RPA1: variants seen among roughly 807,000 people sequenced by gnomAD.
The protein encoded by RPA1 is replication protein A 70 kDa DNA-binding subunit.
Under a neutral mutation model 83.0 loss-of-function variants are expected in RPA1, and 49 were observed. The observed-to-expected ratio is 0.59, with a 90% CI of 0.47 to 0.75. The LOEUF (loss-of-function observed/expected upper bound fraction) is 0.75. RPA1 is among the 30% of genes least tolerant of loss of function. RPA1 has a pLI of 0.00. For missense variants in RPA1, 693 were observed against 776.1 expected, an observed-to-expected ratio of 0.89 and a Z score of 1.27; for synonymous variants, 279 against 281.8, an observed-to-expected ratio of 0.99 and a Z score of 0.10.
At chr17:1,851,504 T>C (rs1173489048) in intron 4 of RPA1, among the ~76,000 whole-genome samples, 2 of 152,236 alleles carry the variant, frequency 1.3e-5, no homozygotes, top group East Asian at 3.8e-4. Flanking sequence ...TCACTTAATG[T>C]GTCCTTGTCA....
chr17:1,831,575 T>C (rs976683779), intron 1 of RPA1, among the ~76,000 whole-genome samples: 6 of 151,466 alleles, frequency 4.0e-5, no homozygotes, highest in Admixed American at 3.9e-4. Flanking sequence ...TCCATACTCC[T>C]ACCTTCTTCC....
At chr17:1,843,394 C>T (rs1483888246) in intron 2 of RPA1, among the ~76,000 whole-genome samples, 2 of 151,732 alleles carry the variant, frequency 1.3e-5, no homozygotes, top group Admixed American at 6.6e-5. Context: ...GTACAGGTGT[C>T]ACTTGCTTTG....
chr17:1,859,273 A>T (rs1428819158), intron 5 of RPA1, among the ~76,000 whole-genome samples: 2 of 152,260 alleles, frequency 1.3e-5, no homozygotes, highest in South Asian at 2.1e-4. Context: ...AAGAATGTGT[A>T]TTCTGTTGTT....
rs1281554835 is a variant in RPA1, at chr17:1,879,611, G to A, written c.1004G>A (p.Arg335Lys). ...SYEDATKITVRSNNREVAKRN... is the reference protein window; with the variant it reads ...SYEDATKITVKSNNREVAKRN... ...GAAGACGCCACTAAAATCACAGTGA[G>A]GTCTAACAACAGAGAAGTTGCCAAG... Residue 335 changes from arginine to lysine, a missense_variant, in exon 11 of 17, where the codon AGG (arginine) becomes AAG (lysine). Transcript: ENST00000254719. 6.2e-7 allele frequency: 1 copy of A among 1,614,218 alleles called. No individual in the cohort carries two copies. The highest frequency in any genetic ancestry group is 2.2e-5 in the East Asian group (1 of 44,888).
intron 5 of RPA1, among the ~76,000 whole-genome samples, chr17:1,864,793 G>A (rs1469430521): frequency 3.3e-5 from 5 of 152,074 alleles, no homozygotes; most frequent in African/African-American, 9.7e-5. Context: ...CCAGCTACTC[G>A]GGAGGCTGAG....
chr17:1,865,375 A>T (rs1233845943), intron 5 of RPA1, among the ~76,000 whole-genome samples: 1 of 152,208 alleles, frequency 6.6e-6, no homozygotes, highest in African/African-American at 2.4e-5. Flanking sequence ...CTACTGCGGG[A>T]ATGTTATATA....
intron 13 of RPA1, among the ~76,000 whole-genome samples, chr17:1,888,203 G>A (rs1914065279): frequency 6.6e-6 from 1 of 152,194 alleles, no homozygotes; most frequent in African/African-American, 2.4e-5. Context: ...AGGAAAAGGT[G>A]AATCTAGGCC....
chr17:1,894,472 G>A (rs966814542), intron 15 of RPA1, among the ~76,000 whole-genome samples: 10 of 152,280 alleles, frequency 6.6e-5, no homozygotes, highest in African/African-American at 2.2e-4. Context: ...CAGCCTTAAA[G>A]TCTTAGAAAC....
intron 12 of RPA1, among the ~76,000 whole-genome samples, chr17:1,881,455 G>A (rs1284030047): frequency 7.9e-5 from 12 of 152,176 alleles, no homozygotes; most frequent in Admixed American, 5.2e-4. Context: ...CAATGGCACT[G>A]GTGTTTGACC....
intron 16 of RPA1, 87 bp downstream of exon 16, chr17:1,895,182 GTTAC>G: frequency 3.8e-6 from 4 of 1,055,306 alleles, no homozygotes; most frequent in Non-Finnish European, 5.7e-6. Flanking sequence ...CTGGCAGGGA[GTTAC>G]TGTACTCACT....
At chr17:1,891,422 C>T (rs1052136939) in intron 14 of RPA1, among the ~76,000 whole-genome samples, 1 of 152,146 alleles carries the variant, frequency 6.6e-6, no homozygotes, top group Non-Finnish European at 1.5e-5. Flanking sequence ...GCCAGCTGCA[C>T]CTCGACAGGA....
At chr17:1,888,975 G>A in intron 14 of RPA1, 124 bp downstream of exon 14, 1 of 1,002,422 alleles carries the variant, frequency 1.0e-6, no homozygotes, top group Non-Finnish European at 1.4e-6. Flanking sequence ...ATGAGTAGGT[G>A]TGGAAGAGCT....
intron 5 of RPA1, among the ~76,000 whole-genome samples, chr17:1,867,535 T>A (rs761798648): frequency 1.1e-3 from 164 of 151,618 alleles, no homozygotes; most frequent in Non-Finnish European, 1.6e-3. Flanking sequence ...AGTGAGACCC[T>A]GTCTCTACAG....
At position 1,844,636 on chromosome 17, in the gene RPA1, C is replaced by T. The variant is rs1295957903; in HGVS notation, c.222C>T (p.Asn74=). The part of the protein sequence containing the change: ...PLVEEEQLSS[N]CVCQIHRFIV... ...TGGAGGAAGAACAATTGTCCAGCAA[C>T]TGTGTATGCCAGATTCACAGATTTA... The change falls in exon 4 of 17, where the codon AAC becomes AAT. Residue 74 remains asparagine, a synonymous_variant. Transcript: ENST00000254719. 1 of 1,613,780 alleles carries T rather than the reference C, an allele frequency of 6.2e-7. No individual in the cohort carries two copies. The highest frequency in any genetic ancestry group is 8.5e-7 in the Non-Finnish European group (1 of 1,179,890).
At chr17:1,843,668 CAG>C (rs1183671172) in intron 2 of RPA1, among the ~76,000 whole-genome samples, 1 of 148,642 alleles carries the variant, frequency 6.7e-6, no homozygotes, top group South Asian at 2.1e-4. Context: ...ATATTTGAGT[CAG>C]GGGTGAGAAC....
At chr17:1,833,812 C>G (rs1911709839) in intron 1 of RPA1, among the ~76,000 whole-genome samples, 1 of 152,004 alleles carries the variant, frequency 6.6e-6, no homozygotes, top group African/African-American at 2.4e-5. Flanking sequence ...CAAGATCGCA[C>G]CATTGCACTC....
chr17:1,891,772 T>C (rs1199527867), intron 14 of RPA1, 61 bp from the exon 15 acceptor site: 1 of 1,126,196 alleles, frequency 8.9e-7, no homozygotes, highest in African/African-American at 1.6e-5. Flanking sequence ...CCTCTCCCCA[T>C]CTTCTCAGTG....
chr17:1,865,023 G>A (rs1913126851), intron 5 of RPA1, among the ~76,000 whole-genome samples: 2 of 152,238 alleles, frequency 1.3e-5, no homozygotes, highest in African/African-American at 4.8e-5. Context: ...CTGAGTCCTG[G>A]CCTTTGCCTA....
chr17:1,875,195 G>C (rs1172743695), intron 6 of RPA1, among the ~76,000 whole-genome samples: 1 of 152,218 alleles, frequency 6.6e-6, no homozygotes, highest in Non-Finnish European at 1.5e-5. Flanking sequence ...TCTGGGAGTT[G>C]TCTGGGGATT....
Sources: allele counts gnomAD v4.1 joint callset (sites outside exome capture counted in the v4.1 genomes callset), GRCh38; gene constraint gnomAD v4.1.1; transcripts MANE v1.5; gene names NCBI Gene and HGNC (gene_info 2026-07-23, HGNC 2026-07-21).